The following TRPM3 variants were observed in gnomAD, a reference collection of about 807,000 sequenced individuals.
The protein encoded by TRPM3 is long transient receptor potential channel 3.
In TRPM3, 77 loss-of-function variants were observed where a neutral mutation model predicts 181.2. That is an observed-to-expected ratio of 0.42 (90% confidence interval 0.35 to 0.51). TRPM3 has a LOEUF of 0.51. Ranked by LOEUF, TRPM3 falls within the 20% of genes least tolerant of loss-of-function variation. TRPM3 has a pLI of 0.01. For missense variants in TRPM3, 1,759 were observed against 2,196.7 expected, an observed-to-expected ratio of 0.80 and a Z score of 3.98; for synonymous variants, 745 against 796.4, an observed-to-expected ratio of 0.94 and a Z score of 1.09.
At chr9:70,695,823 C>T (rs1036382039) in intron 8 of TRPM3, among the ~76,000 whole-genome samples, 1 of 152,156 alleles carries the variant, frequency 6.6e-6, no homozygotes, top group Non-Finnish European at 1.5e-5. Flanking sequence ...ACCTTGACGC[C>T]GGAGAGGTTA....
chr9:70,792,098 C>T (rs887189408), intron 6 of TRPM3, among the ~76,000 whole-genome samples: 1 of 152,202 alleles, frequency 6.6e-6, no homozygotes, highest in Admixed American at 6.5e-5. Context: ...CCCCTCTCCC[C>T]TGTCAGAGAA....
At chr9:70,672,993 G>T (rs1000871002) in intron 9 of TRPM3, among the ~76,000 whole-genome samples, 1 of 152,134 alleles carries the variant, frequency 6.6e-6, no homozygotes, top group African/African-American at 2.4e-5. Flanking sequence ...GCTTTGTAAA[G>T]CCAGGGAATC....
chr9:70,681,482 C>T, intron 9 of TRPM3, 24 bp downstream of exon 9: 1 of 1,604,086 alleles, frequency 6.2e-7, no homozygotes, highest in African/African-American at 1.3e-5. Context: ...TATTTTCACA[C>T]TCTCTGGACA....
intron 1 of TRPM3, among the ~76,000 whole-genome samples, chr9:71,264,689 C>G (rs1452569704): frequency 2.0e-5 from 3 of 152,218 alleles, no homozygotes; most frequent in East Asian, 3.9e-4. Context: ...CTAGGAAAAT[C>G]TAGGTAACTT....
At chr9:70,638,241 G>A (rs1384984836) in intron 11 of TRPM3, among the ~76,000 whole-genome samples, 1 of 152,170 alleles carries the variant, frequency 6.6e-6, no homozygotes, top group Non-Finnish European at 1.5e-5. Context: ...GCCAGACACT[G>A]AACTTGCCAG....
At chr9:70,821,136 A>T (rs920029817) in intron 6 of TRPM3, among the ~76,000 whole-genome samples, 2 of 145,244 alleles carry the variant, frequency 1.4e-5, no homozygotes, top group South Asian at 4.2e-4. Flanking sequence ...AATTGTTAAA[A>T]AATTCTTAGA....
intron 1 of TRPM3, among the ~76,000 whole-genome samples, chr9:71,034,967 T>A (rs895434784): frequency 4.0e-5 from 6 of 151,868 alleles, no homozygotes; most frequent in African/African-American, 1.4e-4. Flanking sequence ...AATATATAAT[T>A]TTTTTTTGCT....
At chr9:70,935,127 C>T (rs139451443) in intron 1 of TRPM3, among the ~76,000 whole-genome samples, 1,689 of 152,306 alleles carry the variant, frequency 0.011, 30 homozygotes, top group African/African-American at 0.039. Flanking sequence ...TGAATGCCCA[C>T]GCACCCAGTG....
At position 70,969,777 on chromosome 9, in the gene TRPM3, T is replaced by C. The variant is rs1032125640; in HGVS notation, c.178-105266A>G. 1.5e-3 allele frequency among the ~76,000 whole-genome samples: 195 copies of C among 125,910 alleles called. 2 individuals are homozygous for C. In the East Asian group the frequency reaches 0.024, roughly 15 times the overall value. The allele number at this position is 125,910 out of a possible 152,430, so 82.6% of individuals were successfully genotyped here. Reference sequence around the variant, plus strand: ...GATTTTATATATATATATATATATATATACACACACACACTAAGAAATTAT... The same window carrying C: ...GATTTTATATATATATATATATATACATACACACACACACTAAGAAATTAT... On this transcript the variant is annotated intron_variant, in intron 1 of 25. Coordinates refer to ENST00000677713, the MANE Select transcript of TRPM3 (RefSeq NM_001366145.2).
At chr9:70,860,021 C>T (rs543511833) in intron 3 of TRPM3, among the ~76,000 whole-genome samples, 1 of 152,264 alleles carries the variant, frequency 6.6e-6, no homozygotes, top group Admixed American at 6.5e-5. Context: ...AGCCTGGCAC[C>T]CCTATGGAAA....
At chr9:71,044,727 A>C (rs1461725536) in intron 1 of TRPM3, among the ~76,000 whole-genome samples, 1 of 152,158 alleles carries the variant, frequency 6.6e-6, no homozygotes, top group African/African-American at 2.4e-5. Flanking sequence ...GCTGGAGTGC[A>C]GTGGCGCGGC....
intron 1 of TRPM3, among the ~76,000 whole-genome samples, chr9:70,893,636 C>T (rs7046928): frequency 0.75 from 114,287 of 151,938 alleles, 43,165 homozygotes; most frequent in Middle Eastern, 0.85. Context: ...CCCTATACTC[C>T]TATCTACTGA....
chr9:70,546,831 C>CTAGA (rs1444919649), intron 25 of TRPM3, among the ~76,000 whole-genome samples: 6 of 152,116 alleles, frequency 3.9e-5, no homozygotes, highest in Non-Finnish European at 5.9e-5. Flanking sequence ...TTGTATTGCT[C>CTAGA]TAGATGCATC....
intron 1 of TRPM3, among the ~76,000 whole-genome samples, chr9:71,230,196 G>A (rs2080957715): frequency 6.6e-6 from 1 of 152,124 alleles, no homozygotes; most frequent in Non-Finnish European, 1.5e-5. Context: ...ATTACGTTAA[G>A]TGAAATAAGC....
At chr9:71,089,212 TA>T (rs1452559058) in intron 1 of TRPM3, among the ~76,000 whole-genome samples, 2 of 148,746 alleles carry the variant, frequency 1.3e-5, no homozygotes, top group African/African-American at 2.4e-5. Context: ...TATATATTCA[TA>T]TATAACATTA....
intron 1 of TRPM3, among the ~76,000 whole-genome samples, chr9:71,392,380 G>A (rs2093082593): frequency 6.6e-6 from 1 of 152,090 alleles, no homozygotes; most frequent in Non-Finnish European, 1.5e-5. Flanking sequence ...GGGAATGGAA[G>A]GAGACATGTC....
At chr9:71,393,509 A>G (rs1318219379) in intron 1 of TRPM3, among the ~76,000 whole-genome samples, 1 of 152,164 alleles carries the variant, frequency 6.6e-6, no homozygotes, top group African/African-American at 2.4e-5. Flanking sequence ...AAACAGAAAG[A>G]TGAAAACACC....
intron 8 of TRPM3, among the ~76,000 whole-genome samples, chr9:70,751,662 T>C (rs2076149607): frequency 6.6e-6 from 1 of 152,026 alleles, no homozygotes; most frequent in Admixed American, 6.6e-5. Context: ...TTTAGGAAGG[T>C]AGAAAAGACA....
chr9:70,881,362 T>C (rs1310951228), intron 1 of TRPM3, among the ~76,000 whole-genome samples: 2 of 152,106 alleles, frequency 1.3e-5, no homozygotes, highest in Admixed American at 1.3e-4. Context: ...CGATATGAAT[T>C]AATGTGACCG....
Sources: allele counts gnomAD v4.1 joint callset (sites outside exome capture counted in the v4.1 genomes callset), GRCh38; gene constraint gnomAD v4.1.1; transcripts MANE v1.5; gene names NCBI Gene and HGNC (gene_info 2026-07-23, HGNC 2026-07-21).